Variants in NBEA observed in about 807,000 individuals in gnomAD.
The protein encoded by NBEA is lysosomal-trafficking regulator 2.
Under a neutral mutation model 343.4 loss-of-function variants are expected in NBEA, and 44 were observed. That is an observed-to-expected ratio of 0.13 (90% CI 0.10 to 0.16). The LOEUF (loss-of-function observed/expected upper bound fraction) is 0.16, where lower values mean the gene tolerates loss of function less well. NBEA is among the 10% of genes least tolerant of loss of function. The pLI is 1.00. For missense variants in NBEA, 2,555 were observed against 3,631.3 expected, an observed-to-expected ratio of 0.70 and a Z score of 7.62; for synonymous variants, 1,175 against 1,238.7, an observed-to-expected ratio of 0.95 and a Z score of 1.08.
chr13:35,656,476 C>T (rs1242905312), intron 55 of NBEA, among the ~76,000 whole-genome samples: 1 of 152,152 alleles, frequency 6.6e-6, no homozygotes, highest in Non-Finnish European at 1.5e-5. Context: ...ACTTCTTTTT[C>T]CAATGAAACT....
At chr13:35,223,879 G>C (rs2074508824) in intron 33 of NBEA, among the ~76,000 whole-genome samples, 1 of 152,122 alleles carries the variant, frequency 6.6e-6, no homozygotes, top group African/African-American at 2.4e-5. Context: ...GATGTTGGCA[G>C]GGCTGCATTT....
At chr13:34,996,429 G>A (rs1188038191) in intron 1 of NBEA, among the ~76,000 whole-genome samples, 1 of 151,852 alleles carries the variant, frequency 6.6e-6, no homozygotes, top group African/African-American at 2.4e-5. Flanking sequence ...TATCTGAAAT[G>A]GTAGTCAGAG....
intron 36 of NBEA, among the ~76,000 whole-genome samples, chr13:35,317,409 A>G (rs1381359358): frequency 3.3e-5 from 5 of 152,044 alleles, no homozygotes; most frequent in Non-Finnish European, 5.9e-5. Context: ...AAGATCAGAT[A>G]GTTGTAGATG....
At chr13:35,655,807 C>T (rs1441572639) in intron 55 of NBEA, 58 bp downstream of exon 55, 9 of 1,471,590 alleles carry the variant, frequency 6.1e-6, no homozygotes, top group Non-Finnish European at 7.3e-6. Flanking sequence ...ATATATTTTG[C>T]CTTTTTGATT....
intron 1 of NBEA, among the ~76,000 whole-genome samples, chr13:35,034,927 G>C (rs749340398): frequency 2.6e-5 from 4 of 151,334 alleles, no homozygotes; most frequent in Non-Finnish European, 5.9e-5. Context: ...CTCTTAGTCT[G>C]GCTAAAGATT....
chr13:35,376,689 C>T (rs983497012), intron 38 of NBEA, among the ~76,000 whole-genome samples: 18 of 152,040 alleles, frequency 1.2e-4, no homozygotes, highest in African/African-American at 3.9e-4. Flanking sequence ...AATAGGATTC[C>T]CCCATTCTGG....
intron 38 of NBEA, among the ~76,000 whole-genome samples, chr13:35,381,024 A>G (rs2041984835): frequency 6.6e-6 from 1 of 152,096 alleles, no homozygotes; most frequent in Admixed American, 6.6e-5. Context: ...TTTCTTTATC[A>G]TAATTGCCAT....
At chr13:34,970,283 A>G (rs2059957665) in intron 1 of NBEA, among the ~76,000 whole-genome samples, 1 of 152,026 alleles carries the variant, frequency 6.6e-6, no homozygotes. Flanking sequence ...AGTGGCTTAT[A>G]GATGCTGGAT....
chr13:35,387,560 T>G (rs2042301686), intron 38 of NBEA, among the ~76,000 whole-genome samples: 1 of 152,086 alleles, frequency 6.6e-6, no homozygotes, highest in Admixed American at 6.6e-5. Flanking sequence ...GGATTTGAAA[T>G]AACACTAGAA....
Position 35,169,054 on chromosome 13 carries a change from T to G in NBEA, c.4242+59T>G, listed in dbSNP as rs776727843. On this transcript the variant is annotated intron_variant, in intron 25 of 58. Coordinates refer to ENST00000379939, the MANE Select transcript of NBEA (RefSeq NM_001385012.1). ...CAGTTTCAAGTTTTATTTTTACTTA[T>G]TTATGAAATTTTTGACTTGGTTATA... is the stretch of plus-strand genomic sequence containing the variant. 3 of 1,324,328 alleles carry G rather than the reference T, an allele frequency of 2.3e-6. No individual in the cohort carries two copies. In the South Asian group the frequency reaches 4.6e-5, roughly 20 times the overall value. The allele number at this position is 1,324,328 out of a possible 1,614,324, so 82.0% of individuals were successfully genotyped here.
intron 38 of NBEA, among the ~76,000 whole-genome samples, chr13:35,366,043 G>A (rs1287276023): frequency 6.6e-6 from 1 of 151,560 alleles, no homozygotes; most frequent in Non-Finnish European, 1.5e-5. Flanking sequence ...TGGATACATT[G>A]TAGAGAGAGA....
chr13:35,319,970 T>G (rs184396242), intron 36 of NBEA, among the ~76,000 whole-genome samples: 1 of 152,152 alleles, frequency 6.6e-6, no homozygotes, highest in African/African-American at 2.4e-5. Flanking sequence ...ATCCCTTTAT[T>G]TTGAGTCTAT....
chr13:35,147,098 A>G (rs770037415), intron 18 of NBEA, among the ~76,000 whole-genome samples: 1 of 151,982 alleles, frequency 6.6e-6, no homozygotes, highest in Non-Finnish European at 1.5e-5. Context: ...ACATTTTTTC[A>G]TTCCCTTCAC....
chr13:35,116,951 C>A (rs2066525087), intron 13 of NBEA, among the ~76,000 whole-genome samples: 1 of 151,890 alleles, frequency 6.6e-6, no homozygotes, highest in Non-Finnish European at 1.5e-5. Flanking sequence ...AAGAAATAGG[C>A]TGCAAAACAA....
intron 47 of NBEA, among the ~76,000 whole-genome samples, chr13:35,605,659 T>A (rs2082252957): frequency 6.6e-6 from 1 of 152,176 alleles, no homozygotes; most frequent in Non-Finnish European, 1.5e-5. Context: ...GGTATTAAAA[T>A]CAGTTCATTT....
chr13:35,293,049 C>T (rs2035896740), intron 35 of NBEA, among the ~76,000 whole-genome samples: 1 of 151,882 alleles, frequency 6.6e-6, no homozygotes, highest in Non-Finnish European at 1.5e-5. Context: ...TTAGCAACTA[C>T]ATATTATTAA....
intron 40 of NBEA, among the ~76,000 whole-genome samples, chr13:35,458,318 G>A (rs768611395): frequency 1.3e-5 from 2 of 152,238 alleles, no homozygotes; most frequent in East Asian, 3.9e-4. Flanking sequence ...CATTGTAGCT[G>A]TTCTTCCATG....
chr13:35,027,942 C>T (rs764920831), intron 1 of NBEA, among the ~76,000 whole-genome samples: 3 of 151,808 alleles, frequency 2.0e-5, no homozygotes, highest in African/African-American at 7.2e-5. Context: ...GTTGTTCATC[C>T]TCCATTTAAT....
chr13:35,068,693 A>G (rs1456572973), intron 8 of NBEA, among the ~76,000 whole-genome samples: 1 of 152,156 alleles, frequency 6.6e-6, no homozygotes, highest in Non-Finnish European at 1.5e-5. Context: ...TCTTTTAGAT[A>G]GTCTCTACAC....
Sources: gnomAD v4.1 joint callset for allele counts (sites outside exome capture counted in the v4.1 genomes callset) on GRCh38, gnomAD v4.1.1 for gene constraint, MANE v1.5 for transcripts, NCBI Gene and HGNC (gene_info 2026-07-23, HGNC 2026-07-21) for gene names.